The following EFCAB11 variants were observed in gnomAD, a reference collection of about 807,000 sequenced individuals.
EFCAB11 encodes the protein EF-hand calcium-binding domain-containing protein 11.
In EFCAB11, 14 loss-of-function variants were observed where a neutral mutation model predicts 23.0. The ratio of observed to expected loss-of-function variants is 0.61; its 90% CI spans 0.40 to 0.95. The LOEUF is 0.95. Among genes scored for constraint, EFCAB11 ranks in the 40% least tolerant of loss-of-function variants. The pLI is 0.00. For missense variants in EFCAB11, 198 were observed against 195.8 expected (o/e 1.01, Z -0.07); for synonymous variants, 65 against 66.6 (o/e 0.98, Z 0.11).
At chr14:89,835,585 C>CGTGTGTGTGTGTGT (rs67831579) in intron 5 of EFCAB11, among the ~76,000 whole-genome samples, 1,249 of 93,362 alleles carry the variant, frequency 0.013, 59 homozygotes, top group African/African-American at 0.029. Context: ...GGATGCTCAA[C>CGTGTGTGTGTGTGT]GTGTGTGTGT....
At chr14:89,890,080 G>A (rs1239095865) in intron 5 of EFCAB11, among the ~76,000 whole-genome samples, 3 of 152,162 alleles carry the variant, frequency 2.0e-5, no homozygotes, top group Non-Finnish European at 4.4e-5. Flanking sequence ...GTAGGTATAA[G>A]TACTATAAAA....
intron 5 of EFCAB11, among the ~76,000 whole-genome samples, chr14:89,915,738 C>T (rs1428524380): frequency 6.6e-6 from 1 of 152,104 alleles, no homozygotes; most frequent in Admixed American, 6.5e-5. Context: ...TAAACTCACA[C>T]TCAAAAAGCA....
At chr14:89,852,866 C>A (rs986547578) in intron 5 of EFCAB11, among the ~76,000 whole-genome samples, 1 of 152,186 alleles carries the variant, frequency 6.6e-6, no homozygotes, top group African/African-American at 2.4e-5. Flanking sequence ...CCCCTGTCCC[C>A]ATCCAGAACT....
chr14:89,950,086 T>C lies in EFCAB11; in HGVS notation c.217+11A>G. On this transcript the variant is annotated intron_variant, in intron 3 of 5. Coordinates refer to ENST00000316738, the MANE Select transcript of EFCAB11 (RefSeq NM_145231.4). Reference sequence around the variant, plus strand: ...TAAGGTACTAAAAATTAATATTAACTTTCATATTACCAGAAGTATTTGGAT... The same window carrying C: ...TAAGGTACTAAAAATTAATATTAACCTTCATATTACCAGAAGTATTTGGAT... 1 of 1,542,824 alleles carries C rather than the reference T, an allele frequency of 6.5e-7. No individual in the cohort carries two copies. The highest frequency in any genetic ancestry group is 1.1e-5 in the South Asian group (1 of 87,114).
intron 3 of EFCAB11, 86 bp from the exon 4 acceptor site, chr14:89,932,713 CTCA>C (rs1287802975): frequency 9.7e-7 from 1 of 1,026,068 alleles, no homozygotes; most frequent in Non-Finnish European, 1.5e-6. Context: ...AGTAATAAAT[CTCA>C]CCAATAATCA....
intron 5 of EFCAB11, among the ~76,000 whole-genome samples, chr14:89,897,032 A>C (rs545925208): frequency 1.7e-4 from 26 of 151,990 alleles, no homozygotes; most frequent in Admixed American, 3.3e-4. Flanking sequence ...CAGCCGCTAA[A>C]CACATTTTAA....
intron 3 of EFCAB11, 111 bp downstream of exon 3, chr14:89,949,986 G>C: frequency 8.5e-7 from 1 of 1,181,144 alleles, no homozygotes; most frequent in Non-Finnish European, 1.2e-6. Context: ...CCTTCCACCA[G>C]GTCCCTTCCA....
intron 5 of EFCAB11, among the ~76,000 whole-genome samples, chr14:89,825,309 C>T (rs1357191977): frequency 2.0e-5 from 3 of 151,786 alleles, no homozygotes; most frequent in Non-Finnish European, 2.9e-5. Context: ...AGTGAAAATC[C>T]AACATATCAG....
chr14:89,886,387 G>A (rs944262299), intron 5 of EFCAB11, among the ~76,000 whole-genome samples: 12 of 151,812 alleles, frequency 7.9e-5, no homozygotes, highest in African/African-American at 2.4e-4. Flanking sequence ...GCGTGGTGGC[G>A]GGTGCCTGTA....
chr14:89,817,877 C>T (rs1189373189), intron 5 of EFCAB11, among the ~76,000 whole-genome samples: 1 of 152,078 alleles, frequency 6.6e-6, no homozygotes, highest in Middle Eastern at 3.4e-3. Flanking sequence ...GCCTGGAGTC[C>T]CAGCTACTCA....
At chr14:89,943,854 C>T (rs1890877709) in intron 3 of EFCAB11, among the ~76,000 whole-genome samples, 2 of 152,140 alleles carry the variant, frequency 1.3e-5, no homozygotes, top group Admixed American at 6.6e-5. Context: ...CACATACATA[C>T]ACACTCACAC....
chr14:89,882,369 T>G (rs913811212), intron 5 of EFCAB11, among the ~76,000 whole-genome samples: 1 of 152,174 alleles, frequency 6.6e-6, no homozygotes, highest in Non-Finnish European at 1.5e-5. Flanking sequence ...CTGATCATTT[T>G]GATATAGTGA....
intron 5 of EFCAB11, among the ~76,000 whole-genome samples, chr14:89,811,141 T>C (rs1446234251): frequency 6.6e-6 from 1 of 151,702 alleles, no homozygotes; most frequent in Non-Finnish European, 1.5e-5. Context: ...GGGAACAGCA[T>C]GTGCAAGGTC....
intron 3 of EFCAB11, among the ~76,000 whole-genome samples, chr14:89,934,284 T>G (rs1890501602): frequency 6.6e-6 from 1 of 152,182 alleles, no homozygotes; most frequent in African/African-American, 2.4e-5. Flanking sequence ...GGTTGCCAGG[T>G]TGCTGGCAGT....
At chr14:89,950,724 G>A (rs1438540688) in intron 2 of EFCAB11, among the ~76,000 whole-genome samples, 1 of 151,992 alleles carries the variant, frequency 6.6e-6, no homozygotes, top group Non-Finnish European at 1.5e-5. Context: ...TAAAATATAA[G>A]CCCTTTACCA....
At chr14:89,937,347 T>C (rs1270758063) in intron 3 of EFCAB11, among the ~76,000 whole-genome samples, 2 of 152,212 alleles carry the variant, frequency 1.3e-5, no homozygotes, top group Admixed American at 1.3e-4. Flanking sequence ...CAACAGTGTC[T>C]TTGAATGTGT....
intron 3 of EFCAB11, among the ~76,000 whole-genome samples, chr14:89,939,106 C>A (rs142573169): frequency 6.6e-5 from 10 of 152,050 alleles, no homozygotes; most frequent in African/African-American, 2.4e-4. Flanking sequence ...TAAAAGGTTC[C>A]TCAGTGTCAA....
intron 5 of EFCAB11, among the ~76,000 whole-genome samples, chr14:89,810,763 A>AG (rs1886126283): frequency 6.6e-6 from 1 of 151,554 alleles, no homozygotes; most frequent in Non-Finnish European, 1.5e-5. Context: ...CTCAAAAAAA[A>AG]AAAAAAAAAG....
At chr14:89,897,085 C>G in intron 5 of EFCAB11, among the ~76,000 whole-genome samples, 1 of 151,556 alleles carries the variant, frequency 6.6e-6, no homozygotes, top group Non-Finnish European at 1.5e-5. Context: ...ATTAGAAACA[C>G]TATTGAGTGA....
Sources: gnomAD v4.1 joint callset for allele counts (sites outside exome capture counted in the v4.1 genomes callset) on GRCh38, gnomAD v4.1.1 for gene constraint, MANE v1.5 for transcripts, NCBI Gene and HGNC (gene_info 2026-07-23, HGNC 2026-07-21) for gene names.